The following SAXO1 variants were observed in gnomAD, a reference collection of about 807,000 sequenced individuals.
The protein encoded by SAXO1 is stabilizer of axonemal microtubules 1.
In SAXO1, 21 loss-of-function variants were observed where a neutral mutation model predicts 17.5. The ratio of observed to expected loss-of-function variants is 1.20; its 90% CI spans 0.85 to 1.72. The LOEUF (loss-of-function observed/expected upper bound fraction) is 1.72. Among genes scored for constraint, SAXO1 ranks in the 40% most tolerant of loss-of-function variants. The probability of loss-of-function intolerance (pLI) is 0.00; values close to 1 mark genes in which losing one functional copy is unlikely to be tolerated. For synonymous variants in SAXO1, 274 were observed against 216.5 expected (o/e 1.27, Z -2.33); for missense variants, 843 against 596.0 (o/e 1.41, Z -4.32).
intron 1 of SAXO1, among the ~76,000 whole-genome samples, chr9:19,009,180 A>T (rs1410900662): frequency 6.6e-6 from 1 of 152,182 alleles, no homozygotes; most frequent in East Asian, 1.9e-4. Context: ...AGATTGGGCT[A>T]AAACTATTTT....
At chr9:19,043,910 T>C (rs1406712456) in intron 1 of SAXO1, among the ~76,000 whole-genome samples, 3 of 152,160 alleles carry the variant, frequency 2.0e-5, no homozygotes, top group African/African-American at 7.2e-5. Context: ...TTTGGGAGGC[T>C]GAGGCAGGCG....
In SAXO1 at chr9:18,950,832, C is replaced by T; in HGVS notation, c.144G>A (p.Leu48=). ...GCCTTGGCTTGAAGGACTCTCTGGG[C>T]AGGTAGGAGTGATAGAAAGGGTAGT... is the stretch of plus-strand genomic sequence containing the variant. ...TENYPFYHSY[L]PRESFKPRRE... Residue 48 remains leucine, a synonymous_variant, in exon 2 of 4, where the codon CTG becomes CTA. Transcript: ENST00000380534. The T allele has an allele frequency of 6.2e-7, 1 of 1,613,640 alleles. No homozygotes were observed.
chr9:18,974,083 A>AAG (rs1833045684), intron 1 of SAXO1, among the ~76,000 whole-genome samples: 1 of 152,202 alleles, frequency 6.6e-6, no homozygotes, highest in African/African-American at 2.4e-5. Flanking sequence ...ATGGCCAAGG[A>AAG]AGCAGACAGT....
intron 1 of SAXO1, among the ~76,000 whole-genome samples, chr9:18,972,707 C>T (rs7023999): frequency 1.3e-5 from 2 of 152,164 alleles, no homozygotes; most frequent in South Asian, 2.1e-4. Context: ...AGAAGCCCAG[C>T]GTACCAACAG....
intron 1 of SAXO1, among the ~76,000 whole-genome samples, chr9:19,001,718 C>G (rs1404419623): frequency 6.6e-6 from 1 of 151,134 alleles, no homozygotes; most frequent in South Asian, 2.1e-4. Flanking sequence ...ACACAACGTA[C>G]CAGAATATCT....
chr9:18,995,599 C>T (rs1236702296), intron 1 of SAXO1, among the ~76,000 whole-genome samples: 1 of 152,226 alleles, frequency 6.6e-6, no homozygotes, highest in East Asian at 1.9e-4. Context: ...AACCTGGCTG[C>T]ATCCCAGTCA....
intron 3 of SAXO1, among the ~76,000 whole-genome samples, chr9:18,929,914 T>C (rs1292972476): frequency 1.3e-5 from 2 of 152,226 alleles, no homozygotes; most frequent in African/African-American, 4.8e-5. Context: ...CGGTCAATTG[T>C]GCTCAAGTCT....
At chr9:18,991,393 A>G (rs528154569) in intron 1 of SAXO1, among the ~76,000 whole-genome samples, 2 of 152,392 alleles carry the variant, frequency 1.3e-5, no homozygotes, top group Admixed American at 1.3e-4. Context: ...GCCATAAAAA[A>G]GGATGAGTTC....
intron 1 of SAXO1, among the ~76,000 whole-genome samples, chr9:18,989,361 G>C (rs764103118): frequency 6.6e-6 from 1 of 152,102 alleles, no homozygotes; most frequent in South Asian, 2.1e-4. Context: ...TATTAATACT[G>C]TCTGCATTGA....
At chr9:19,011,204 C>T (rs564353867) in intron 1 of SAXO1, among the ~76,000 whole-genome samples, 7 of 152,212 alleles carry the variant, frequency 4.6e-5, no homozygotes, top group South Asian at 2.1e-4. Context: ...TAAATACATG[C>T]GTGACTGAAC....
In SAXO1 at chr9:18,928,980, C is replaced by T; in HGVS notation, c.497G>A (p.Arg166Lys). 1 of 1,614,066 alleles carries T rather than the reference C, an allele frequency of 6.2e-7. No individual in the cohort carries two copies. Among genetic ancestry groups the T allele is most frequent in the Non-Finnish European group, 8.5e-7 (1 of 1,180,030 alleles). ...CTGGTGTGTGGTTCTGTTATCAAAC[C>T]TGACTGATGCCGGCTGGTATTTGTG... is the stretch of plus-strand genomic sequence containing the variant. ...LEHKYQPASV[R>K]FDNRTTHQDD... Residue 166 changes from arginine (R) to lysine (K), a missense_variant, in exon 4 of 4, where the codon AGG (arginine) becomes AAG (lysine). Physicochemically the swap from Arg to Lys is conservative, Grantham distance 26 (BLOSUM62 2). Transcript: ENST00000380534.
intron 1 of SAXO1, among the ~76,000 whole-genome samples, chr9:18,958,789 G>A (rs943897588): frequency 3.3e-5 from 5 of 152,098 alleles, no homozygotes; most frequent in South Asian, 2.1e-4. Flanking sequence ...TGAACATGAC[G>A]ACTTGCAGAA....
In SAXO1 at chr9:18,928,235, G is replaced by T. The variant is rs755020870; in HGVS notation, c.1242C>A (p.Pro414=). Residue 414 remains proline, a synonymous_variant, in exon 4 of 4, where the codon CCC becomes CCA. Transcript: ENST00000380534. ...AAGCTAGGCACCTGCCCATTTCCTT[G>T]GGAGTAAAGCTGATGGTGTAGGTGG... The part of the protein sequence containing the change: ...SQTTYTISFT[P]KEMGRCLASY... 1 of 1,613,992 alleles carries T rather than the reference G, an allele frequency of 6.2e-7. No individual in the cohort carries two copies. The highest frequency in any genetic ancestry group is 8.5e-7 in the Non-Finnish European group (1 of 1,180,006).
At chr9:18,960,003 A>C (rs904102393) in intron 1 of SAXO1, among the ~76,000 whole-genome samples, 4 of 152,270 alleles carry the variant, frequency 2.6e-5, no homozygotes, top group African/African-American at 9.6e-5. Flanking sequence ...GGCAGGCATC[A>C]GGCTGAGTGG....
At chr9:18,987,553 T>C (rs1296797890) in intron 1 of SAXO1, among the ~76,000 whole-genome samples, 1 of 152,170 alleles carries the variant, frequency 6.6e-6, no homozygotes, top group Non-Finnish European at 1.5e-5. Context: ...ACCTCCTGTA[T>C]TCAGTAATGT....
intron 1 of SAXO1, chr9:19,028,166 G>C (rs1835590696): frequency 3.7e-5 from 53 of 1,417,722 alleles, no homozygotes; most frequent in Non-Finnish European, 5.1e-5. Flanking sequence ...ACTCGCGGCT[G>C]AAGTGCGCAA....
At chr9:19,021,555 G>A (rs990163038) in intron 1 of SAXO1, among the ~76,000 whole-genome samples, 1 of 152,118 alleles carries the variant, frequency 6.6e-6, no homozygotes, top group African/African-American at 2.4e-5. Flanking sequence ...TATAGATGAT[G>A]GGAATCCCAC....
At chr9:18,997,664 G>C (rs113263866) in intron 1 of SAXO1, among the ~76,000 whole-genome samples, 4,896 of 152,312 alleles carry the variant, frequency 0.032, 269 homozygotes, top group African/African-American at 0.11. Context: ...GCTTCCTTAA[G>C]TGGGTCCCTG....
In SAXO1 at chr9:19,028,152, C is replaced by A. The variant is rs1442023589; in HGVS notation, c.38+4719G>T. The A allele has an allele frequency of 8.5e-6, 13 of 1,522,542 alleles. No individual in the cohort carries two copies. The East Asian group carries it at 2.5e-4, about 29-fold the overall frequency. The allele number at this position is 1,522,542 out of a possible 1,614,324, so 94.3% of individuals were successfully genotyped here. ...ACGCCTAGGGCACGGCAGGCCAGCC[C>A]CGGACTCGCGGCTGAAGTGCGCAAT... On this transcript the variant is annotated intron_variant, in intron 1 of 3. Coordinates refer to ENST00000380534, the MANE Select transcript of SAXO1 (RefSeq NM_153707.4).
Sources: gnomAD v4.1 joint callset for allele counts (sites outside exome capture counted in the v4.1 genomes callset) on GRCh38, gnomAD v4.1.1 for gene constraint, MANE v1.5 for transcripts, NCBI Gene and HGNC (gene_info 2026-07-23, HGNC 2026-07-21) for gene names.